Variants in PAPOLB observed in about 807,000 individuals in gnomAD.
The protein encoded by PAPOLB is poly(A) polymerase beta.
PAPOLB carries 19 observed loss-of-function variants against 23.2 expected under a neutral mutation model. The ratio of observed to expected loss-of-function variants is 0.82; its 90% CI spans 0.57 to 1.20. The LOEUF is 1.20. PAPOLB is among the 50% of genes most tolerant of loss of function. The probability of loss-of-function intolerance (pLI) is 0.00; values close to 1 mark genes in which losing one functional copy is unlikely to be tolerated. For missense variants in PAPOLB, 822 were observed against 776.8 expected, an observed-to-expected ratio of 1.06 and a Z score of -0.69; for synonymous variants, 360 against 290.7, an observed-to-expected ratio of 1.24 and a Z score of -2.43.
Position 4,861,857 on chromosome 7 carries a change from T to TTCACGTCCCCCACCACCGCGACA in PAPOLB, c.-48_-47insTGTCGCGGTGGTGGGGGACGTGA. ...GGGCACGTCCCCCACCACCGCGACC[T>TTCACGTCCCCCACCACCGCGACA]TCGCGGCCGCCGCCCGGGTCATGAT... On this transcript the variant is annotated 5_prime_UTR_variant, in exon 1 of 1. It adds an upstream start codon to the 5' untranslated region. Transcript: ENST00000404991. The TTCACGTCCCCCACCACCGCGACA allele has an allele frequency of 7.5e-7, 1 of 1,324,912 alleles. No homozygotes were observed. Among genetic ancestry groups the TTCACGTCCCCCACCACCGCGACA allele is most frequent in the Non-Finnish European group, 9.9e-7 (1 of 1,011,262 alleles). The allele number at this position is 1,324,912 out of a possible 1,614,324, so 82.1% of individuals were successfully genotyped here.
Position 4,860,294 on chromosome 7 carries a change from T to C in PAPOLB, c.1517A>G (p.Lys506Arg). The change falls in exon 1 of 1, where the codon AAG becomes AGG. Residue 506 changes from lysine to arginine, a missense_variant. By Grantham distance (26) the Lys-to-Arg change is conservative (BLOSUM62 2). Transcript: ENST00000404991. ...QLLPHHVLQD[K>R]KAHSTEGRRL... ...TCTACCTTCTGTTGAGTGTGCTTTC[T>C]TGTCCTGAAGCACATGATGAGGCAG... The C allele has an allele frequency of 6.2e-7, 1 of 1,613,938 alleles. No homozygotes were observed. Among genetic ancestry groups the C allele is most frequent in the Non-Finnish European group, 8.5e-7 (1 of 1,179,822 alleles).
In PAPOLB at chr7:4,861,747, C is replaced by T. The variant is rs2115034406; in HGVS notation, c.64G>A (p.Gly22Ser). The T allele has an allele frequency of 6.7e-7, 1 of 1,503,562 alleles. No homozygotes were observed. The highest frequency in any genetic ancestry group is 8.9e-7 in the Non-Finnish European group (1 of 1,128,330). 93.1% of individuals were successfully genotyped at this position (1,503,562 alleles called of 1,614,324 possible). ...PQPAPPPNRY[G>S]VSSPISLAVP... ...GCTAGACTGATAGGCGAGGAGACGC[C>T]GTAGCGATTCGGCGGCGGCGCCGGC... is the stretch of plus-strand genomic sequence containing the variant. The change falls in exon 1 of 1, where the codon GGC (glycine) becomes AGC (serine). Residue 22 changes from glycine (G) to serine (S), a missense_variant. Physicochemically the swap from Gly to Ser is moderately conservative, Grantham distance 56 (BLOSUM62 0). Coordinates refer to ENST00000404991, the MANE Select transcript of PAPOLB (RefSeq NM_020144.5).
rs964519042 is a variant in PAPOLB, at chr7:4,860,372, A to T, written c.1439T>A (p.Met480Lys). The change falls in exon 1 of 1, where the codon ATG becomes AAG. Residue 480 changes from methionine to lysine, a missense_variant. This residue lies in a region of PAPOLB where 534 missense variants were observed against 502.8 expected (regional missense o/e 1.06). Coordinates refer to ENST00000404991, the MANE Select transcript of PAPOLB (RefSeq NM_020144.5). ...RQAVNSKMFEMGMKITAMHLR... is the reference protein window; with the variant it reads ...RQAVNSKMFEKGMKITAMHLR... The stretch of plus-strand genomic sequence containing the variant: ...ATGCATTGCAGTAATTTTCATACCC[A>T]TCTCAAACATCTTACTATTCACTGC... The T allele has an allele frequency of 1.2e-6, 2 of 1,613,934 alleles. No individual in the cohort carries two copies. Among genetic ancestry groups the T allele is most frequent in the Non-Finnish European group, 1.7e-6 (2 of 1,179,810 alleles).
Position 4,861,337 on chromosome 7 carries a change from G to T in PAPOLB, c.474C>A (p.Ile158=). Residue 158 remains isoleucine, a synonymous_variant, in exon 1 of 1, where the codon ATC becomes ATA. Transcript: ENST00000404991. The part of the protein sequence containing the change: ...RAVEEAFVPV[I]KLCFDGIEID... The stretch of plus-strand genomic sequence containing the variant: ...TCTCTATCCCATCAAAACACAGTTT[G>T]ATAACTGGCACAAATGCCTCCTCGA... The T allele has an allele frequency of 6.2e-7, 1 of 1,614,008 alleles. No homozygotes were observed. Among genetic ancestry groups the T allele is most frequent in the African/African-American group, 1.3e-5 (1 of 75,060 alleles).
chr7:4,859,872 G>T lies in PAPOLB; in HGVS notation c.*25C>A. ...TTTCTTGGTCCTTTCTTCTTTATGA[G>T]GCAAGAATATCCTCTAGACTCCAAC... On this transcript the variant is annotated 3_prime_UTR_variant, in exon 1 of 1. Transcript: ENST00000404991. 6.8e-7 allele frequency: 1 copy of T among 1,480,190 alleles called. No individual in the cohort carries two copies. Among genetic ancestry groups the T allele is most frequent in the Non-Finnish European group, 9.3e-7 (1 of 1,075,688 alleles). 91.7% of individuals were successfully genotyped at this position (1,480,190 alleles called of 1,614,324 possible).
chr7:4,859,831 C>T lies in PAPOLB; in HGVS notation c.*66G>A. ...GTACTTGTCTTTGTATTGAGTTTCT[C>T]CTCTTCCGTTTTGGTTTTCTTGGTC... On this transcript the variant is annotated 3_prime_UTR_variant, in exon 1 of 1. Transcript: ENST00000404991. 1.0e-6 allele frequency: 1 copy of T among 975,026 alleles called. No homozygotes were observed. Among genetic ancestry groups the T allele is most frequent in the South Asian group, 1.6e-5 (1 of 62,304 alleles). 60.4% of individuals were successfully genotyped at this position (975,026 alleles called of 1,614,324 possible).
At position 4,859,653 on chromosome 7, in the gene PAPOLB, T is replaced by G; in HGVS notation, c.*244A>C. ...GTTGGCAGATATTGTTCATGGACCC[T>G]TGAGGTTGTTTTTAACCATTCAACC... is the stretch of plus-strand genomic sequence containing the variant. On this transcript the variant is annotated 3_prime_UTR_variant, in exon 1 of 1. Transcript: ENST00000404991. The G allele has an allele frequency of 2.0e-6, 1 of 500,388 alleles. No individual in the cohort carries two copies. Among genetic ancestry groups the G allele is most frequent in the Non-Finnish European group, 3.6e-6 (1 of 279,074 alleles). 31.0% of individuals were successfully genotyped at this position (500,388 alleles called of 1,614,324 possible).
rs1783871014 is a variant in PAPOLB, at chr7:4,857,856, A to G, written c.*2041T>C. On this transcript the variant is annotated 3_prime_UTR_variant, in exon 1 of 1. Coordinates refer to ENST00000404991, the MANE Select transcript of PAPOLB (RefSeq NM_020144.5). ...TAAAACAAAGCAAACTCCACTCACT[A>G]GGTACATCACATGAAAAAATGGTCT... 1 of 152,648 alleles carries G rather than the reference A, an allele frequency of 6.6e-6. No individual in the cohort carries two copies. Among genetic ancestry groups the G allele is most frequent in the East Asian group, 1.9e-4 (1 of 5,200 alleles). 9.5% of individuals were successfully genotyped at this position (152,648 alleles called of 1,614,324 possible).
rs1783942759 is a variant in PAPOLB at position 4,860,108 on chromosome 7, G to A, written c.1703C>T (p.Ala568Val). ...GGAAAATTCAGTAGCCTGTATGTTAGCCACAGATGCTGTCATTACAGCCAA... is the reference window on the plus strand; with the variant it reads ...GGAAAATTCAGTAGCCTGTATGTTAACCACAGATGCTGTCATTACAGCCAA... ...PALAVMTASV[A>V]NIQATEFSLQ... Residue 568 changes from alanine (A) to valine (V), a missense_variant, in exon 1 of 1, where the codon GCT (alanine) becomes GTT (valine). Transcript: ENST00000404991. 1 of 1,613,996 alleles carries A rather than the reference G, an allele frequency of 6.2e-7. No individual in the cohort carries two copies. Among genetic ancestry groups the A allele is most frequent in the African/African-American group, 1.3e-5 (1 of 75,046 alleles).
chr7:4,860,889 T>C lies in PAPOLB; in HGVS notation c.922A>G (p.Ser308Gly). 1 of 1,614,210 alleles carries C rather than the reference T, an allele frequency of 6.2e-7. No homozygotes were observed. Reference sequence around the variant, plus strand: ...ATAGGCATAAGATGGTACCTATCACTGGGATTTACTCTTGGGTCCCATACA... The same window carrying C: ...ATAGGCATAAGATGGTACCTATCACCGGGATTTACTCTTGGGTCCCATACA... ...LPVWDPRVNP[S>G]DRYHLMPIIT... Residue 308 changes from serine (S) to glycine (G), a missense_variant, in exon 1 of 1, where the codon AGT becomes GGT. Ser to Gly is a moderately conservative substitution (Grantham distance 56). Coordinates refer to ENST00000404991, the MANE Select transcript of PAPOLB (RefSeq NM_020144.5).
At position 4,861,651 on chromosome 7, in the gene PAPOLB, C is replaced by G. The variant is rs765964681; in HGVS notation, c.160G>C (p.Glu54Gln). The change falls in exon 1 of 1, where the codon GAA becomes CAA. Residue 54 changes from glutamate to glutamine, a missense_variant. Glu to Gln is a conservative substitution (Grantham distance 29, BLOSUM62 2). Coordinates refer to ENST00000404991, the MANE Select transcript of PAPOLB (RefSeq NM_020144.5). Reference sequence around the variant, plus strand: ...CTGCGCTGCAGTTCCTCTTCCTCTTCGAAGACCCCGAAGGGCCTGAGGGTT... The same window carrying G: ...CTGCGCTGCAGTTCCTCTTCCTCTTGGAAGACCCCGAAGGGCCTGAGGGTT... ...IETLRPFGVFEEEEELQRRIL... is the reference protein window; with the variant it reads ...IETLRPFGVFQEEEELQRRIL... 6.2e-7 allele frequency: 1 copy of G among 1,605,160 alleles called. No individual in the cohort carries two copies. Among genetic ancestry groups the G allele is most frequent in the Non-Finnish European group, 8.5e-7 (1 of 1,175,862 alleles).
chr7:4,859,771 A>G lies in PAPOLB; in HGVS notation c.*126T>C, dbSNP rs1783927661. ...TACTGATGTTCCCTGAGAGGCCAAT[A>G]GAGAAGATGCTGTCTGAATTTTTCT... On this transcript the variant is annotated 3_prime_UTR_variant, in exon 1 of 1. Transcript: ENST00000404991. 1 of 631,572 alleles carries G rather than the reference A, an allele frequency of 1.6e-6. No homozygotes were observed. The highest frequency in any genetic ancestry group is 2.8e-6 in the Non-Finnish European group (1 of 359,348). The allele number at this position is 631,572 out of a possible 1,614,324, so 39.1% of individuals were successfully genotyped here. A position where few individuals can be genotyped will look rare whatever the true frequency, so the allele number is the denominator to read the frequency against.
rs1048754769 is a variant in PAPOLB, at chr7:4,858,274, A to C, written c.*1623T>G. On this transcript the variant is annotated 3_prime_UTR_variant, in exon 1 of 1. Coordinates refer to ENST00000404991, the MANE Select transcript of PAPOLB (RefSeq NM_020144.5). ...AACATGAAAAGTGCAGAGTTAGAGGAGGGACGGGAGGGGTTAAAGCAAGGC... is the reference window on the plus strand; with the variant it reads ...AACATGAAAAGTGCAGAGTTAGAGGCGGGACGGGAGGGGTTAAAGCAAGGC... 2 of 152,168 alleles carry C rather than the reference A, an allele frequency of 1.3e-5. No individual in the cohort carries two copies. The highest frequency in any genetic ancestry group is 2.4e-5 in the African/African-American group (1 of 41,446). 9.4% of individuals were successfully genotyped at this position (152,168 alleles called of 1,614,324 possible).
At position 4,859,821 on chromosome 7, in the gene PAPOLB, T is replaced by C. The variant is rs988818033; in HGVS notation, c.*76A>G. The C allele has an allele frequency of 4.6e-6, 4 of 866,218 alleles. No individual in the cohort carries two copies. Among genetic ancestry groups the C allele is most frequent in the African/African-American group, 3.4e-5 (2 of 59,062 alleles). 53.7% of individuals were successfully genotyped at this position (866,218 alleles called of 1,614,324 possible). A position where few individuals can be genotyped will look rare whatever the true frequency, so the allele number is the denominator to read the frequency against. ...TAATGGAGTTGTACTTGTCTTTGTA[T>C]TGAGTTTCTCCTCTTCCGTTTTGGT... On this transcript the variant is annotated 3_prime_UTR_variant, in exon 1 of 1. Transcript: ENST00000404991.
Position 4,861,266 on chromosome 7 carries a change from T to C in PAPOLB, c.545A>G (p.Asp182Gly). 6.2e-7 allele frequency: 1 copy of C among 1,614,114 alleles called. No individual in the cohort carries two copies. The highest frequency in any genetic ancestry group is 8.5e-7 in the Non-Finnish European group (1 of 1,179,962). Reference sequence around the variant, plus strand: ...TAGACTGTCATCTCTTAAGTCCAAATCTTCTGGAATAGTCTGTAGTGCTAA... The same window carrying C: ...TAGACTGTCATCTCTTAAGTCCAAACCTTCTGGAATAGTCTGTAGTGCTAA... ...ARLALQTIPE[D>G]LDLRDDSLLK... is the part of the protein sequence containing the mutation. The change falls in exon 1 of 1, where the codon GAT (aspartate) becomes GGT (glycine). Residue 182 changes from aspartate to glycine, a missense_variant. Coordinates refer to ENST00000404991, the MANE Select transcript of PAPOLB (RefSeq NM_020144.5).
chr7:4,861,571 G>T lies in PAPOLB; in HGVS notation c.240C>A (p.Ile80=). The part of the protein sequence containing the change: ...NNLVKEWIRE[I]SESKSLPQSV... The stretch of plus-strand genomic sequence containing the variant: ...ACTGGGGAAGACTCTTGCTTTCACT[G>T]ATTTCGCGTATCCATTCCTTTACCA... The change falls in exon 1 of 1, where the codon ATC becomes ATA. Residue 80 remains isoleucine (I), a synonymous_variant. Coordinates refer to ENST00000404991, the MANE Select transcript of PAPOLB (RefSeq NM_020144.5). 6.2e-7 allele frequency: 1 copy of T among 1,613,872 alleles called. No individual in the cohort carries two copies. The highest frequency in any genetic ancestry group is 8.5e-7 in the Non-Finnish European group (1 of 1,179,834).
rs1783916630 is a variant in PAPOLB at position 4,859,411 on chromosome 7, T to C, written c.*486A>G. ...CACGGGTACAAACATAGCTGAAAGG[T>C]TTTTTCATTTTAAGGGCAGTAGTCC... is the stretch of plus-strand genomic sequence containing the variant. On this transcript the variant is annotated 3_prime_UTR_variant, in exon 1 of 1. Coordinates refer to ENST00000404991, the MANE Select transcript of PAPOLB (RefSeq NM_020144.5). The C allele has an allele frequency of 6.4e-6, 1 of 155,414 alleles. No individual in the cohort carries two copies. The allele number at this position is 155,414 out of a possible 1,614,324, so 9.6% of individuals were successfully genotyped here.
rs1424034663 is a variant in PAPOLB at position 4,860,522 on chromosome 7, T to C, written c.1289A>G (p.Asp430Gly). 1.9e-6 allele frequency: 3 copies of C among 1,614,078 alleles called. No homozygotes were observed. The highest frequency in any genetic ancestry group is 1.3e-5 in the African/African-American group (1 of 74,930). The change falls in exon 1 of 1, where the codon GAT (aspartate) becomes GGT (glycine). Residue 430 changes from aspartate to glycine, a missense_variant. Physicochemically the swap from Asp to Gly is moderately conservative, Grantham distance 94. This residue lies in a region of PAPOLB where 534 missense variants were observed against 502.8 expected (regional missense o/e 1.06). Transcript: ENST00000404991. ...CCACATTGTACGAAATTCTTCCATA[T>C]CAGGATTTTCTTTGGGTGCTGGAAA... Reference protein sequence around the residue: ...QSFPAPKENPDMEEFRTMWVI... With the variant: ...QSFPAPKENPGMEEFRTMWVI...
Position 4,860,553 on chromosome 7 carries a change from G to C in PAPOLB, c.1258C>G (p.Gln420Glu), listed in dbSNP as rs774806542. ...TTTTCTTTGGGTGCTGGAAATGACT[G>C]TGGATTCACATGTGCCAGTGTAATA... ...EFITLAHVNP[Q>E]SFPAPKENPD... Residue 420 changes from glutamine (Q) to glutamate (E), a missense_variant, in exon 1 of 1, where the codon CAG (glutamine) becomes GAG (glutamate). This residue lies in a region of PAPOLB where 534 missense variants were observed against 502.8 expected (regional missense o/e 1.06). Coordinates refer to ENST00000404991, the MANE Select transcript of PAPOLB (RefSeq NM_020144.5). 1 of 1,614,198 alleles carries C rather than the reference G, an allele frequency of 6.2e-7. No individual in the cohort carries two copies. The highest frequency in any genetic ancestry group is 8.5e-7 in the Non-Finnish European group (1 of 1,180,032).
Sources: allele counts gnomAD v4.1 joint callset, GRCh38; gene constraint gnomAD v4.1.1; regional missense constraint gnomAD v4.1.1; transcripts MANE v1.5; gene names NCBI Gene and HGNC (gene_info 2026-07-23, HGNC 2026-07-21).